The following BCL2 variants were observed in gnomAD, a reference collection of about 807,000 sequenced individuals.
BCL2 encodes the protein apoptosis regulator Bcl-2.
In BCL2, 1 loss-of-function variant was observed where a neutral mutation model predicts 14.2. That is an observed-to-expected ratio of 0.07 (90% CI 0.02 to 0.33). The LOEUF is 0.33. Ranked by LOEUF, BCL2 falls within the 10% of genes least tolerant of loss-of-function variation. The pLI is 0.99. For synonymous variants in BCL2, 151 were observed against 137.2 expected (o/e 1.10, Z -0.70); for missense variants, 247 against 305.9 (o/e 0.81, Z 1.44).
rs570978368 is a variant in BCL2 at position 63,125,691 on chromosome 18, G to A, written c.*2934C>T. 1.4e-4 allele frequency: 30 copies of A among 212,802 alleles called. No homozygotes were observed. The highest frequency in any genetic ancestry group is 6.3e-4 in the African/African-American group (28 of 44,190). The allele number at this position is 212,802 out of a possible 1,614,324, so 13.2% of individuals were successfully genotyped here. A position where few individuals can be genotyped will look rare whatever the true frequency, so the allele number is the denominator to read the frequency against. On this transcript the variant is annotated 3_prime_UTR_variant, in exon 3 of 3. Transcript: ENST00000333681. The stretch of plus-strand genomic sequence containing the variant: ...TAGATATAATGAAAAAAAAGAAGAG[G>A]AGAAAAAAATGACTAGTTGAGGCTT...
At chr18:63,160,986 C>G (rs745828009) in intron 2 of BCL2, among the ~76,000 whole-genome samples, 13 of 152,206 alleles carry the variant, frequency 8.5e-5, no homozygotes, top group East Asian at 1.9e-4. Context: ...TATGTCTTCA[C>G]GGCAAAAACA....
rs374062303 is a variant in BCL2, at chr18:63,126,727, A to G, written c.*1898T>C. ...AAGAATCAAGAGATAAAAATCTCAAACAGAAAACGATCACCTTTGCTCACA... is the reference window on the plus strand; with the variant it reads ...AAGAATCAAGAGATAAAAATCTCAAGCAGAAAACGATCACCTTTGCTCACA... On this transcript the variant is annotated 3_prime_UTR_variant, in exon 3 of 3. Coordinates refer to ENST00000333681, the MANE Select transcript of BCL2 (RefSeq NM_000633.3). The G allele has an allele frequency of 1.3e-5, 3 of 225,878 alleles. No individual in the cohort carries two copies. The highest frequency in any genetic ancestry group is 6.7e-5 in the African/African-American group (3 of 45,050). 14.0% of individuals were successfully genotyped at this position (225,878 alleles called of 1,614,324 possible). A position where few individuals can be genotyped will look rare whatever the true frequency, so the allele number is the denominator to read the frequency against.
intron 2 of BCL2, among the ~76,000 whole-genome samples, chr18:63,193,637 C>A (rs1187969853): frequency 1.3e-5 from 2 of 151,124 alleles, no homozygotes; most frequent in South Asian, 2.1e-4. Flanking sequence ...TACAAATACA[C>A]ACACACATAT....
chr18:63,287,104 G>A (rs1292313283), intron 2 of BCL2, among the ~76,000 whole-genome samples: 4 of 152,090 alleles, frequency 2.6e-5, no homozygotes, highest in African/African-American at 9.6e-5. Flanking sequence ...CCCCCTTCTT[G>A]GATCCCTTTT....
At chr18:63,147,202 G>A (rs558991938) in intron 2 of BCL2, among the ~76,000 whole-genome samples, 1 of 152,312 alleles carries the variant, frequency 6.6e-6, no homozygotes, top group African/African-American at 2.4e-5. Flanking sequence ...TGTGGTCCAG[G>A]GATTCACCTT....
chr18:63,170,759 A>G (rs1013583552), intron 2 of BCL2, among the ~76,000 whole-genome samples: 1 of 152,236 alleles, frequency 6.6e-6, no homozygotes, highest in African/African-American at 2.4e-5. Context: ...TTTTGCACAT[A>G]AGGAAACACA....
At chr18:63,301,094 T>C (rs1409547364) in intron 2 of BCL2, among the ~76,000 whole-genome samples, 1 of 152,162 alleles carries the variant, frequency 6.6e-6, no homozygotes, top group Non-Finnish European at 1.5e-5. Context: ...ATATGTTAGA[T>C]AAAACAAGCT....
chr18:63,196,181 C>T (rs770432364), intron 2 of BCL2, among the ~76,000 whole-genome samples: 1 of 152,106 alleles, frequency 6.6e-6, no homozygotes, highest in African/African-American at 2.4e-5. Context: ...ACCTGGTACA[C>T]GGTTTGTTTT....
chr18:63,257,690 C>A (rs773077292), intron 2 of BCL2, among the ~76,000 whole-genome samples: 5 of 152,144 alleles, frequency 3.3e-5, no homozygotes, highest in Non-Finnish European at 7.3e-5. Context: ...AAGATGGGAG[C>A]CGAAAGAGTG....
chr18:63,291,863 A>C (rs1912655630), intron 2 of BCL2, among the ~76,000 whole-genome samples: 1 of 152,174 alleles, frequency 6.6e-6, no homozygotes, highest in African/African-American at 2.4e-5. Context: ...TATTCTTAGA[A>C]TCCTAAACAA....
At chr18:63,206,252 A>G (rs545139290) in intron 2 of BCL2, among the ~76,000 whole-genome samples, 8 of 152,350 alleles carry the variant, frequency 5.3e-5, no homozygotes, top group African/African-American at 1.7e-4. Flanking sequence ...GTCCAGATTC[A>G]CACGCAGACG....
chr18:63,191,375 A>G (rs766992214), intron 2 of BCL2, among the ~76,000 whole-genome samples: 6 of 152,088 alleles, frequency 3.9e-5, no homozygotes, highest in Non-Finnish European at 7.4e-5. Flanking sequence ...TTGTTTTTTG[A>G]AGTCTTTATT....
At chr18:63,274,325 C>G (rs971196283) in intron 2 of BCL2, among the ~76,000 whole-genome samples, 7 of 144,964 alleles carry the variant, frequency 4.8e-5, no homozygotes, top group African/African-American at 1.8e-4. Flanking sequence ...CTCTGTCACC[C>G]AGGCTGGAAT....
At chr18:63,225,132 T>C (rs778611165) in intron 2 of BCL2, among the ~76,000 whole-genome samples, 6 of 152,102 alleles carry the variant, frequency 3.9e-5, no homozygotes, top group Non-Finnish European at 8.8e-5. Flanking sequence ...AGGAAAAGTC[T>C]GTACCAGGTA....
intron 2 of BCL2, among the ~76,000 whole-genome samples, chr18:63,173,604 G>A (rs1333891228): frequency 2.6e-5 from 4 of 152,038 alleles, no homozygotes; most frequent in Non-Finnish European, 4.4e-5. Context: ...AAAACAAATC[G>A]AAAGAAAAAA....
chr18:63,303,870 C>T (rs878996005), intron 2 of BCL2, among the ~76,000 whole-genome samples: 10 of 152,094 alleles, frequency 6.6e-5, no homozygotes, highest in African/African-American at 1.7e-4. Context: ...GAAAAGATTG[C>T]GCTAAACATT....
intron 2 of BCL2, among the ~76,000 whole-genome samples, chr18:63,312,737 T>G (rs1357712194): frequency 6.6e-6 from 1 of 152,242 alleles, no homozygotes; most frequent in Non-Finnish European, 1.5e-5. Context: ...TTGTATTTTT[T>G]GGCATACAAG....
chr18:63,297,700 T>C lies in BCL2; in HGVS notation c.585+20382A>G, dbSNP rs146952416. ...AAAGGACTTTTTGAAAAAGCATTAGTCTGTGTTGACCTTTTCCTGTTCCCA... is the reference window on the plus strand; with the variant it reads ...AAAGGACTTTTTGAAAAAGCATTAGCCTGTGTTGACCTTTTCCTGTTCCCA... On this transcript the variant is annotated intron_variant, in intron 2 of 2. Coordinates refer to ENST00000333681, the MANE Select transcript of BCL2 (RefSeq NM_000633.3). Among the ~76,000 whole-genome samples, 198 of 152,314 alleles carry C rather than the reference T, an allele frequency of 1.3e-3. 1 individual carries two copies. In the East Asian group the frequency reaches 0.03, roughly 23 times the overall value.
chr18:63,296,124 G>A (rs930931981), intron 2 of BCL2, among the ~76,000 whole-genome samples: 2 of 152,308 alleles, frequency 1.3e-5, no homozygotes, highest in Admixed American at 6.5e-5. Context: ...CATGCACACA[G>A]AAATACTTCT....
Sources: gnomAD v4.1 joint callset for allele counts (sites outside exome capture counted in the v4.1 genomes callset) on GRCh38, gnomAD v4.1.1 for gene constraint, MANE v1.5 for transcripts, NCBI Gene and HGNC (gene_info 2026-07-23, HGNC 2026-07-21) for gene names.